REC8: variants seen among roughly 807,000 people sequenced by gnomAD.
The protein encoded by REC8 is meiotic recombination protein REC8 homolog.
Under a neutral mutation model 78.3 loss-of-function variants are expected in REC8, and 42 were observed. The observed-to-expected ratio is 0.54, with a 90% CI of 0.42 to 0.69. The LOEUF is 0.69. Among genes scored for constraint, REC8 ranks in the 30% least tolerant of loss-of-function variants. The probability of loss-of-function intolerance (pLI) is 0.00; values close to 1 mark genes in which losing one functional copy is unlikely to be tolerated. For missense variants in REC8, 581 were observed against 715.8 expected, an observed-to-expected ratio of 0.81 and a Z score of 2.15; for synonymous variants, 268 against 274.1, an observed-to-expected ratio of 0.98 and a Z score of 0.22.
At chr14:24,175,701 T>A in intron 6 of REC8, 77 bp downstream of exon 6, 2 of 1,169,150 alleles carry the variant, frequency 1.7e-6, no homozygotes, top group Non-Finnish European at 1.3e-6. Context: ...TTTTTGAGCT[T>A]AAGAGCCAGG....
Position 24,177,462 on chromosome 14 carries a change from CA to C in REC8, c.738-2del. On this transcript the variant is annotated splice_acceptor_variant, in intron 9 of 18. Coordinates refer to ENST00000611366, the MANE Select transcript of REC8 (RefSeq NM_001048205.2). LOFTEE classifies it high-confidence loss of function. ...CTCATTTCTCTTGCCCATTTCCCCT[CA>C]GGGTGGAAGGAATAGGAGAGGCACT... 6.2e-7 allele frequency: 1 copy of C among 1,614,162 alleles called. No individual in the cohort carries two copies. Among genetic ancestry groups the C allele is most frequent in the Non-Finnish European group, 8.5e-7 (1 of 1,180,026 alleles).
chr14:24,180,527 T>A (rs749813196), downstream of REC8: 7 of 1,614,118 alleles, frequency 4.3e-6, no homozygotes, highest in Admixed American at 1.2e-4. Context: ...GTCGGTGTGC[T>A]GTTTGGCCAG....
intron 11 of REC8, 47 bp downstream of exon 11, chr14:24,177,805 C>T: frequency 6.6e-7 from 1 of 1,518,392 alleles, no homozygotes; most frequent in South Asian, 1.3e-5. Flanking sequence ...CTTTGCCCTC[C>T]CCCACAAGGA....
chr14:24,177,413 G>A (rs759896092), intron 9 of REC8, 30 bp downstream of exon 9: 2 of 1,614,124 alleles, frequency 1.2e-6, no homozygotes, highest in East Asian at 4.5e-5. Flanking sequence ...GACCAGGTAG[G>A]GTGTCAGTGC....
chr14:24,180,527 T>C, downstream of REC8: 2 of 1,614,118 alleles, frequency 1.2e-6, no homozygotes, highest in Non-Finnish European at 1.7e-6. Flanking sequence ...GTCGGTGTGC[T>C]GTTTGGCCAG....
At position 24,179,477 on chromosome 14, in the gene REC8, C is replaced by A. The variant is rs532563022; in HGVS notation, c.1319+14C>A. The A allele has an allele frequency of 1.1e-5, 18 of 1,614,070 alleles. No homozygotes were observed. In the South Asian group the frequency reaches 1.8e-4, roughly 16 times the overall value. On this transcript the variant is annotated intron_variant, in intron 16 of 18. Transcript: ENST00000611366. Reference sequence around the variant, plus strand: ...AGAAGAACGGTGGTAAGCGGCCAGGCTCCGTGGGAGCCAGGGCCCACAGCC... The same window carrying A: ...AGAAGAACGGTGGTAAGCGGCCAGGATCCGTGGGAGCCAGGGCCCACAGCC...
intron 15 of REC8, 53 bp downstream of exon 15, chr14:24,179,186 G>A (rs1160897058): frequency 1.4e-6 from 2 of 1,455,386 alleles, no homozygotes; most frequent in African/African-American, 2.8e-5. Context: ...CACTGTCCCA[G>A]GAAACTAGTA....
At chr14:24,176,405 A>C (rs2038903172) in intron 6 of REC8, among the ~76,000 whole-genome samples, 1 of 137,312 alleles carries the variant, frequency 7.3e-6, no homozygotes, top group South Asian at 2.4e-4. Flanking sequence ...CAGTGGTATG[A>C]TGATCATAGG....
At position 24,178,239 on chromosome 14, in the gene REC8, C is replaced by G. The variant is rs375023586; in HGVS notation, c.996+17C>G. ...TGGGAATGTGTGAGTGCAGCCCAGG[C>G]TTTGCCGGGGAAGGGAGGGAGGCAG... On this transcript the variant is annotated intron_variant, in intron 12 of 18. Transcript: ENST00000611366. 1.9e-6 allele frequency: 3 copies of G among 1,607,526 alleles called. No homozygotes were observed. The highest frequency in any genetic ancestry group is 2.6e-6 in the Non-Finnish European group (3 of 1,174,620).
At chr14:24,175,739 T>C (rs1457555574) in intron 6 of REC8, 115 bp downstream of exon 6, 9 of 689,882 alleles carry the variant, frequency 1.3e-5, no homozygotes, top group African/African-American at 3.7e-5. Flanking sequence ...TTTTTTTTTT[T>C]CGAGGCAGAG....
intron 5 of REC8, 55 bp from the exon 6 acceptor site, chr14:24,175,488 G>T: frequency 7.2e-7 from 1 of 1,389,044 alleles, no homozygotes; most frequent in Admixed American, 1.7e-5. Context: ...TGAAAAGTGG[G>T]AAAGCAGGGG....
chr14:24,178,288 C>T (rs1055359307), intron 12 of REC8, 66 bp downstream of exon 12: 2 of 1,423,902 alleles, frequency 1.4e-6, no homozygotes, highest in African/African-American at 2.8e-5. Flanking sequence ...CACATGCAGG[C>T]TGAGCCTTCC....
chr14:24,178,268 T>C, intron 12 of REC8, 46 bp downstream of exon 12: 1 of 1,550,690 alleles, frequency 6.4e-7, no homozygotes, highest in Non-Finnish European at 8.9e-7. Context: ...GAGGCAGGGA[T>C]GACCAGGGGC....
At chr14:24,180,400 T>C (rs1267912363), downstream of REC8, 2 of 1,587,848 alleles carry the variant, frequency 1.3e-6, no homozygotes, top group East Asian at 2.3e-5. Flanking sequence ...TCTTAAGGCC[T>C]GGGCAGGCTC....
At chr14:24,175,708 C>A in intron 6 of REC8, 84 bp downstream of exon 6, 2 of 1,082,448 alleles carry the variant, frequency 1.8e-6, no homozygotes, top group Non-Finnish European at 2.7e-6. Context: ...GCTTAAGAGC[C>A]AGGCCTTGTG....
At chr14:24,178,742 C>T (rs767685714) in intron 13 of REC8, 35 bp from the exon 14 acceptor site, 3 of 1,611,286 alleles carry the variant, frequency 1.9e-6, no homozygotes, top group Non-Finnish European at 2.5e-6. Flanking sequence ...CTCCTCACGC[C>T]TCAAACCCCG....
At chr14:24,176,032 G>A (rs955983566) in intron 6 of REC8, among the ~76,000 whole-genome samples, 5 of 151,190 alleles carry the variant, frequency 3.3e-5, no homozygotes, top group African/African-American at 1.2e-4. Flanking sequence ...AACCTCATCA[G>A]TACCTCACAA....
intron 6 of REC8, among the ~76,000 whole-genome samples, chr14:24,175,993 G>T (rs1021454776): frequency 6.9e-6 from 1 of 144,870 alleles, no homozygotes; most frequent in South Asian, 2.2e-4. Flanking sequence ...GTGAGCCACC[G>T]TGCCTGGTGA....
chr14:24,177,782 T>G (rs2038967574), intron 11 of REC8, 24 bp downstream of exon 11: 1 of 1,552,476 alleles, frequency 6.4e-7, no homozygotes, highest in Admixed American at 2.0e-5. Context: ...CTTCTAATCC[T>G]CCTCCTCCTC....
Sources: gnomAD v4.1 joint callset for allele counts (sites outside exome capture counted in the v4.1 genomes callset) on GRCh38, gnomAD v4.1.1 for gene constraint, MANE v1.5 for transcripts, NCBI Gene and HGNC (gene_info 2026-07-23, HGNC 2026-07-21) for gene names.